The following CEP89 variants were observed in gnomAD, a reference collection of about 807,000 sequenced individuals.
CEP89 encodes the protein centrosomal protein of 89 kDa.
In CEP89, 95 loss-of-function variants were observed where a neutral mutation model predicts 97.6. The observed-to-expected ratio is 0.97, with a 90% CI of 0.82 to 1.15. The LOEUF is 1.15. Ranked by LOEUF, CEP89 falls within the 50% of genes most tolerant of loss-of-function variation. CEP89 has a pLI of 0.00. For synonymous variants in CEP89, 354 were observed against 349.1 expected (o/e 1.01, Z -0.16); for missense variants, 869 against 947.7 (o/e 0.92, Z 1.09).
chr19:32,927,817 C>G (rs1970392552), intron 9 of CEP89, among the ~76,000 whole-genome samples: 1 of 150,202 alleles, frequency 6.7e-6, no homozygotes, highest in Non-Finnish European at 1.5e-5. Context: ...GTTGCCCAGG[C>G]TGGTCTTGAA....
intron 5 of CEP89, 141 bp downstream of exon 5, chr19:32,948,125 A>G: frequency 1.8e-6 from 1 of 549,246 alleles, no homozygotes. Flanking sequence ...TCAATAAAAA[A>G]TAAATTTCAA....
intron 16 of CEP89, among the ~76,000 whole-genome samples, chr19:32,892,853 G>A (rs562064341): frequency 7.2e-5 from 11 of 152,022 alleles, no homozygotes; most frequent in African/African-American, 2.2e-4. Flanking sequence ...TTGAAAGGAC[G>A]ATATCTACTA....
chr19:32,906,765 A>C (rs986534404), intron 14 of CEP89, among the ~76,000 whole-genome samples: 2 of 149,600 alleles, frequency 1.3e-5, no homozygotes, highest in Non-Finnish European at 1.5e-5. Context: ...ATATACATAC[A>C]TATAATATAT....
At chr19:32,916,626 T>C (rs1470028028) in intron 13 of CEP89, among the ~76,000 whole-genome samples, 1 of 152,232 alleles carries the variant, frequency 6.6e-6, no homozygotes, top group Non-Finnish European at 1.5e-5. Flanking sequence ...GTTACATGGT[T>C]GCATGTAATA....
intron 14 of CEP89, among the ~76,000 whole-genome samples, chr19:32,913,639 C>CCTT (rs1555790519): frequency 1.4e-5 from 2 of 138,242 alleles, no homozygotes; most frequent in Non-Finnish European, 3.1e-5. Flanking sequence ...TACACACACA[C>CCTT]TTTTTTTTTT....
At chr19:32,907,679 T>G (rs1320229006) in intron 14 of CEP89, among the ~76,000 whole-genome samples, 1 of 152,166 alleles carries the variant, frequency 6.6e-6, no homozygotes, top group Non-Finnish European at 1.5e-5. Flanking sequence ...CTTGATCTCC[T>G]GACCTCAAGT....
At chr19:32,905,281 C>A (rs1180576854) in intron 14 of CEP89, among the ~76,000 whole-genome samples, 1 of 152,166 alleles carries the variant, frequency 6.6e-6, no homozygotes, top group Non-Finnish European at 1.5e-5. Flanking sequence ...TTTACATCTA[C>A]ATTCATAAGT....
chr19:32,881,710 A>G (rs1969284806), intron 18 of CEP89, 134 bp downstream of exon 18: 2 of 823,440 alleles, frequency 2.4e-6, no homozygotes, highest in Non-Finnish European at 3.7e-6. Flanking sequence ...CCAATATTAC[A>G]TTCAGATCAG....
chr19:32,968,248 TTTTG>T (rs1178936731), intron 1 of CEP89, among the ~76,000 whole-genome samples: 2 of 152,112 alleles, frequency 1.3e-5, no homozygotes, highest in African/African-American at 2.4e-5. Flanking sequence ...AAGAAATGGT[TTTTG>T]TTTGTTTGCT....
intron 5 of CEP89, among the ~76,000 whole-genome samples, chr19:32,941,942 C>T (rs1970695213): frequency 6.6e-6 from 1 of 152,180 alleles, no homozygotes; most frequent in African/African-American, 2.4e-5. Flanking sequence ...TTTAATAACA[C>T]CTTTACAATA....
chr19:32,891,204 A>C (rs75195087), intron 16 of CEP89, among the ~76,000 whole-genome samples: 14,870 of 152,254 alleles, frequency 0.098, 919 homozygotes, highest in Middle Eastern at 0.16. Flanking sequence ...GCGCACGTGC[A>C]TGTGCCCTGA....
intron 14 of CEP89, 101 bp downstream of exon 14, chr19:32,915,236 A>G: frequency 9.4e-7 from 1 of 1,069,224 alleles, no homozygotes; most frequent in Non-Finnish European, 1.3e-6. Flanking sequence ...GGATGGGCAG[A>G]TCACTTGAGC....
chr19:32,939,834 GT>G (rs750247346), intron 6 of CEP89, 22 bp downstream of exon 6: 3 of 1,092,782 alleles, frequency 2.7e-6, no homozygotes, highest in African/African-American at 1.6e-5. Context: ...GAGAAAATCA[GT>G]TTTTAAAAAA....
At chr19:32,953,822 G>C (rs200327445) in intron 3 of CEP89, 21 bp from the exon 4 acceptor site, 1 of 1,570,328 alleles carries the variant, frequency 6.4e-7, no homozygotes, top group Admixed American at 1.7e-5. Context: ...ATATTCATGG[G>C]GAAAACAAAC....
intron 6 of CEP89, among the ~76,000 whole-genome samples, chr19:32,938,396 C>T (rs1970620564): frequency 2.0e-5 from 3 of 152,140 alleles, no homozygotes; most frequent in Non-Finnish European, 4.4e-5. Context: ...TGCAGGGAAG[C>T]ACATTTGCAA....
intron 2 of CEP89, among the ~76,000 whole-genome samples, chr19:32,964,170 G>A (rs1599784996): frequency 1.4e-5 from 2 of 145,780 alleles, no homozygotes; most frequent in Admixed American, 1.5e-4. Flanking sequence ...AAACATTTGT[G>A]TATACATTTT....
intron 4 of CEP89, among the ~76,000 whole-genome samples, chr19:32,952,903 C>CAAAAAAAAAAAAAAAAAAAA (rs34455504): frequency 2.1e-5 from 1 of 48,774 alleles, no homozygotes; most frequent in Admixed American, 3.1e-4. Context: ...GACTCTGTCT[C>CAAAAAAAAAAAAAAAAAAAA]AAAAAAAAAA....
chr19:32,961,742 C>T (rs1183836688), intron 2 of CEP89, among the ~76,000 whole-genome samples: 1 of 151,980 alleles, frequency 6.6e-6, no homozygotes, highest in African/African-American at 2.4e-5. Flanking sequence ...CTCCTGGGCT[C>T]AAGTGATCCT....
At chr19:32,931,302 T>C (rs1970467618) in intron 9 of CEP89, 127 bp downstream of exon 9, 4 of 810,980 alleles carry the variant, frequency 4.9e-6, no homozygotes, top group Non-Finnish European at 5.6e-6. Flanking sequence ...CTTAGAAACA[T>C]TGTGCCTTGG....
Sources: gnomAD v4.1 joint callset for allele counts (sites outside exome capture counted in the v4.1 genomes callset) on GRCh38, gnomAD v4.1.1 for gene constraint, MANE v1.5 for transcripts, NCBI Gene and HGNC (gene_info 2026-07-23, HGNC 2026-07-21) for gene names.